Variants in PTCHD4 observed in about 807,000 individuals in gnomAD.
PTCHD4 encodes patched domain containing 4.
PTCHD4 carries 33 observed loss-of-function variants against 58.1 expected under a neutral mutation model. The ratio of observed to expected loss-of-function variants is 0.57; its 90% CI spans 0.43 to 0.76. The LOEUF is 0.76. PTCHD4 is among the 30% of genes least tolerant of loss of function. The pLI, the probability that PTCHD4 is intolerant of heterozygous loss-of-function variation, is 0.00. For missense variants in PTCHD4, 1,058 were observed against 1,027.1 expected (o/e 1.03, Z -0.41); for synonymous variants, 478 against 409.6 (o/e 1.17, Z -2.02).
chr6:48,060,754 C>A (rs571000843), intron 3 of PTCHD4, among the ~76,000 whole-genome samples: 1 of 152,306 alleles, frequency 6.6e-6, no homozygotes, highest in African/African-American at 2.4e-5. Context: ...GGATTGCAGG[C>A]GTGAGCCACC....
chr6:47,874,649 C>T lies in PTCHD4; in HGVS notation c.*3654G>A, dbSNP rs1029261027. The stretch of plus-strand genomic sequence containing the variant: ...GAATAACTATAATAGCATCATAAAA[C>T]ATTTGTCATCATTATTCTTCTCACC... On this transcript the variant is annotated 3_prime_UTR_variant, in exon 5 of 5. Coordinates refer to ENST00000339488, the MANE Select transcript of PTCHD4 (RefSeq NM_001384253.1). Among the ~76,000 whole-genome samples the T allele has an allele frequency of 3.3e-5, 5 of 151,814 alleles. No homozygotes were observed. The highest frequency in any genetic ancestry group is 3.4e-3 in the Middle Eastern group (1 of 294).
At chr6:48,045,375 C>T (rs112252016) in intron 3 of PTCHD4, among the ~76,000 whole-genome samples, 118 of 151,802 alleles carry the variant, frequency 7.8e-4, no homozygotes, top group African/African-American at 2.6e-3. Context: ...GTGTTTGAGT[C>T]GTAATATTTC....
intron 4 of PTCHD4, among the ~76,000 whole-genome samples, chr6:47,968,264 T>C (rs958401965): frequency 6.6e-6 from 1 of 152,186 alleles, no homozygotes; most frequent in Non-Finnish European, 1.5e-5. Flanking sequence ...GAACACAGAC[T>C]ATATTTATTG....
chr6:48,078,603 T>C (rs1410873651), intron 1 of PTCHD4, among the ~76,000 whole-genome samples: 3 of 152,220 alleles, frequency 2.0e-5, no homozygotes, highest in Admixed American at 6.5e-5. Flanking sequence ...CCAATAGTAA[T>C]ATAAGTTGGT....
At chr6:48,092,911 T>C (rs1305006621) in intron 1 of PTCHD4, among the ~76,000 whole-genome samples, 1 of 152,206 alleles carries the variant, frequency 6.6e-6, no homozygotes, top group Non-Finnish European at 1.5e-5. Flanking sequence ...ATGGTCTTGT[T>C]TGAATTTTAG....
rs1763930532 is a variant in PTCHD4 at position 47,878,935 on chromosome 6, T to C, written c.1900A>G (p.Ser634Gly). The change falls in exon 5 of 5, where the codon AGC becomes GGC. Residue 634 changes from serine to glycine, a missense_variant. Transcript: ENST00000339488. ...EKLRPLSLSK[S>G]IRFIVFNPSF... ...GGGTTGAACACGATGAATCGGATGC[T>C]CTTTGAGAGGGATAGGGGCCTCAGC... The C allele has an allele frequency of 5.0e-6, 8 of 1,613,230 alleles. No individual in the cohort carries two copies. The highest frequency in any genetic ancestry group is 1.7e-5 in the Admixed American group (1 of 59,972).
rs1763883507 is a variant in PTCHD4 at position 47,877,655 on chromosome 6, A to G, written c.*648T>C. On this transcript the variant is annotated 3_prime_UTR_variant, in exon 5 of 5. Transcript: ENST00000339488. ...GTTGATTTAGAACGGCTATTAATGA[A>G]TCTATAAATTTGGCTAAGGTTGATT... is the stretch of plus-strand genomic sequence containing the variant. Among the ~76,000 whole-genome samples the G allele has an allele frequency of 6.6e-6, 1 of 152,054 alleles. No homozygotes were observed. The highest frequency in any genetic ancestry group is 2.1e-4 in the South Asian group (1 of 4,832).
rs373020134 is a variant in PTCHD4, at chr6:48,058,099, C to T, written c.417+10131G>A. On this transcript the variant is annotated intron_variant, in intron 3 of 4. Coordinates refer to ENST00000339488, the MANE Select transcript of PTCHD4 (RefSeq NM_001384253.1). ...TTAAAAGTCACAGTGCCTGGGCCAT[C>T]TCCAGGTTAATTAAATCTGAATCTC... 4.6e-5 allele frequency among the ~76,000 whole-genome samples: 7 copies of T among 152,326 alleles called. No homozygotes were observed. In the East Asian group the frequency reaches 7.7e-4, roughly 17 times the overall value.
intron 4 of PTCHD4, among the ~76,000 whole-genome samples, chr6:47,994,430 G>A (rs1001655882): frequency 2.0e-5 from 3 of 152,158 alleles, no homozygotes; most frequent in Non-Finnish European, 4.4e-5. Flanking sequence ...AAAACAGCAA[G>A]TCTTGACCTT....
chr6:48,093,048 C>T (rs1765397496), intron 1 of PTCHD4, among the ~76,000 whole-genome samples: 1 of 152,176 alleles, frequency 6.6e-6, no homozygotes, highest in African/African-American at 2.4e-5. Flanking sequence ...AGCAGCTATC[C>T]CCAGGCACAA....
chr6:47,934,906 T>G lies in PTCHD4; in HGVS notation c.899-54970A>C, dbSNP rs548028950. Among the ~76,000 whole-genome samples the G allele has an allele frequency of 4.8e-4, 73 of 152,310 alleles. 1 individual carries two copies. In the South Asian group the frequency reaches 0.014, roughly 29 times the overall value. On this transcript the variant is annotated intron_variant, in intron 4 of 4. Coordinates refer to ENST00000339488, the MANE Select transcript of PTCHD4 (RefSeq NM_001384253.1). ...TTCTGGGACTTTGTAAACCAACTTA[T>G]ATATTGGATGTGCACAGTAGTATTA...
intron 4 of PTCHD4, chr6:47,901,273 C>T (rs970042286): frequency 5.2e-6 from 1 of 191,952 alleles, no homozygotes; most frequent in Non-Finnish European, 9.6e-6. Context: ...AGAATTTTTA[C>T]ACTCAAGTTC....
At chr6:48,047,150 A>G (rs1481317325) in intron 3 of PTCHD4, among the ~76,000 whole-genome samples, 1 of 151,844 alleles carries the variant, frequency 6.6e-6, no homozygotes, top group African/African-American at 2.4e-5. Context: ...GTTATTTGGT[A>G]GAACTCTCTC....
At chr6:48,108,458 G>C (rs992118910) in intron 1 of PTCHD4, among the ~76,000 whole-genome samples, 10 of 152,016 alleles carry the variant, frequency 6.6e-5, no homozygotes, top group East Asian at 1.9e-4. Context: ...GTTGTGGGGT[G>C]GGGGGAGCGG....
chr6:47,901,530 A>T, intron 4 of PTCHD4: 2 of 992,498 alleles, frequency 2.0e-6, no homozygotes, highest in Non-Finnish European at 2.4e-6. Flanking sequence ...ATTGGAATCA[A>T]TTTATTTTCA....
chr6:48,110,631 CCACACACACA>C (rs367594403), intron 1 of PTCHD4, among the ~76,000 whole-genome samples: 1 of 139,270 alleles, frequency 7.2e-6, no homozygotes, highest in Non-Finnish European at 1.6e-5. Flanking sequence ...GATGGTTTTA[CCACACACACA>C]CACACACACA....
chr6:47,994,008 T>C (rs944790798), intron 4 of PTCHD4, among the ~76,000 whole-genome samples: 1 of 152,174 alleles, frequency 6.6e-6, no homozygotes, highest in South Asian at 2.1e-4. Flanking sequence ...GCTGTAGATA[T>C]GGAGCAGAGG....
At chr6:47,892,270 T>C (rs114523197) in intron 4 of PTCHD4, among the ~76,000 whole-genome samples, 7,327 of 152,184 alleles carry the variant, frequency 0.048, 217 homozygotes, top group African/African-American at 0.059. Flanking sequence ...AAGCATATAC[T>C]TTAAAAATTA....
intron 4 of PTCHD4, among the ~76,000 whole-genome samples, chr6:47,921,105 G>T (rs1445897294): frequency 6.6e-6 from 1 of 152,064 alleles, no homozygotes; most frequent in African/African-American, 2.4e-5. Context: ...AAATATTATT[G>T]TCACTACTCT....
Sources: gnomAD v4.1 joint callset for allele counts (sites outside exome capture counted in the v4.1 genomes callset) on GRCh38, gnomAD v4.1.1 for gene constraint, MANE v1.5 for transcripts, NCBI Gene and HGNC (gene_info 2026-07-23, HGNC 2026-07-21) for gene names.